C12orf50: variants seen among roughly 807,000 people sequenced by gnomAD.
C12orf50 encodes zinc finger CCCH-type containing 11D.
A neutral mutation model predicts 61.6 loss-of-function variants in C12orf50; 35 were observed. The observed-to-expected ratio is 0.57, with a 90% CI of 0.43 to 0.75. The LOEUF is 0.75. C12orf50 is among the 30% of genes least tolerant of loss of function. The pLI is 0.00. For synonymous variants in C12orf50, 178 were observed against 161.5 expected, an observed-to-expected ratio of 1.10 and a Z score of -0.77; for missense variants, 475 against 488.5, an observed-to-expected ratio of 0.97 and a Z score of 0.26.
intron 9 of C12orf50, among the ~76,000 whole-genome samples, 156 bp downstream of exon 9, chr12:87,987,694 T>C (rs2030895325): frequency 6.8e-6 from 1 of 146,066 alleles, no homozygotes; most frequent in African/African-American, 2.4e-5. Flanking sequence ...TTGTCAGAGT[T>C]AGTTAGTAGA....
At chr12:88,025,664 G>A (rs1592689209) in intron 3 of C12orf50, among the ~76,000 whole-genome samples, 3 of 152,258 alleles carry the variant, frequency 2.0e-5, no homozygotes, top group Middle Eastern at 3.4e-3. Flanking sequence ...GCTTGAACCC[G>A]GGAGGTGGAG....
intron 3 of C12orf50, among the ~76,000 whole-genome samples, chr12:87,999,293 C>T (rs761474254): frequency 9.2e-5 from 14 of 152,054 alleles, no homozygotes; most frequent in Non-Finnish European, 1.3e-4. Flanking sequence ...AGTGTGATGG[C>T]GCACACCTGT....
intron 3 of C12orf50, among the ~76,000 whole-genome samples, chr12:88,005,149 C>A (rs1405522267): frequency 6.6e-6 from 1 of 152,092 alleles, no homozygotes; most frequent in Non-Finnish European, 1.5e-5. Flanking sequence ...TGTTTCTTTG[C>A]ATGTCTTATA....
chr12:88,022,823 G>T (rs2032564987), intron 3 of C12orf50, among the ~76,000 whole-genome samples: 1 of 151,968 alleles, frequency 6.6e-6, no homozygotes, highest in Non-Finnish European at 1.5e-5. Flanking sequence ...TTTACAATGA[G>T]AATTACAAAA....
At chr12:88,004,133 T>C (rs1351541572) in intron 3 of C12orf50, among the ~76,000 whole-genome samples, 1 of 152,194 alleles carries the variant, frequency 6.6e-6, no homozygotes, top group East Asian at 1.9e-4. Context: ...TTTTACCCAT[T>C]GATAGTCTCT....
intron 11 of C12orf50, 193 bp from the exon 12 acceptor site, chr12:87,983,388 TTG>T (rs1268961645): frequency 1.1e-5 from 4 of 367,218 alleles, no homozygotes; most frequent in Non-Finnish European, 2.0e-5. Flanking sequence ...ATGTTTTTTT[TTG>T]TTTTTTTTAT....
chr12:88,002,011 ATTTTT>A (rs1044537236), intron 3 of C12orf50, among the ~76,000 whole-genome samples: 1 of 151,426 alleles, frequency 6.6e-6, no homozygotes, highest in Non-Finnish European at 1.5e-5. Context: ...TCCTGCTTTA[ATTTTT>A]ATTATGTGCT....
chr12:88,019,614 C>T (rs1314176427), intron 3 of C12orf50, among the ~76,000 whole-genome samples: 1 of 150,690 alleles, frequency 6.6e-6, no homozygotes, highest in Non-Finnish European at 1.5e-5. Context: ...GATGAGACTA[C>T]CAAGAAAGTA....
At chr12:87,985,185 C>T (rs2030742973) in intron 11 of C12orf50, 1 of 152,006 alleles carries the variant, frequency 6.6e-6, no homozygotes, top group Non-Finnish European at 1.5e-5. Flanking sequence ...AAAATACAAA[C>T]ATGAAATCAT....
At chr12:87,998,218 T>C (rs1473546453) in intron 3 of C12orf50, 28 bp from the exon 4 acceptor site, 8 of 1,585,098 alleles carry the variant, frequency 5.0e-6, no homozygotes, top group Admixed American at 1.7e-5. Context: ...CATTTCAGTC[T>C]GTTCAAGATA....
At chr12:88,005,561 G>A (rs1357308231) in intron 3 of C12orf50, among the ~76,000 whole-genome samples, 2 of 152,318 alleles carry the variant, frequency 1.3e-5, no homozygotes, top group East Asian at 1.9e-4. Context: ...CTCCTTTGCA[G>A]AGCTAAGCTT....
chr12:87,988,543 T>C (rs1187044596), intron 8 of C12orf50, among the ~76,000 whole-genome samples: 2 of 152,176 alleles, frequency 1.3e-5, no homozygotes, highest in Admixed American at 1.3e-4. Context: ...CATATTAGTA[T>C]AGCTTTAAGA....
chr12:87,981,242 AT>A (rs2030453559), intron 12 of C12orf50, among the ~76,000 whole-genome samples: 1 of 152,006 alleles, frequency 6.6e-6, no homozygotes, highest in South Asian at 2.1e-4. Context: ...CCTGCTACTG[AT>A]CCTAATTTCT....
chr12:88,007,921 T>G (rs957573423), intron 3 of C12orf50, among the ~76,000 whole-genome samples: 2 of 152,046 alleles, frequency 1.3e-5, no homozygotes, highest in African/African-American at 4.8e-5. Context: ...AAGTGGAACT[T>G]TATCATCGTT....
chr12:87,997,904 T>C, intron 4 of C12orf50, 131 bp downstream of exon 4: 4 of 677,998 alleles, frequency 5.9e-6, no homozygotes, highest in Non-Finnish European at 7.0e-6. Context: ...ATTAGTTTAA[T>C]ACAATTATAG....
intron 3 of C12orf50, among the ~76,000 whole-genome samples, chr12:88,022,304 C>G (rs1321559143): frequency 6.6e-6 from 1 of 151,968 alleles, no homozygotes; most frequent in South Asian, 2.1e-4. Flanking sequence ...ATTCAACATC[C>G]CTTCATGCTA....
At chr12:87,985,630 A>G (rs1415650060) in intron 11 of C12orf50, 11 of 579,278 alleles carry the variant, frequency 1.9e-5, no homozygotes, top group Non-Finnish European at 3.1e-5. Context: ...GGGAGGTGCA[A>G]TCTGAAGTCA....
intron 3 of C12orf50, among the ~76,000 whole-genome samples, chr12:88,003,981 T>A (rs1425045439): frequency 6.6e-6 from 1 of 152,116 alleles, no homozygotes; most frequent in Non-Finnish European, 1.5e-5. Flanking sequence ...TTGTATAATC[T>A]CCGTTGATTT....
chr12:87,982,710 A>G (rs898436697), intron 12 of C12orf50, among the ~76,000 whole-genome samples: 1 of 152,008 alleles, frequency 6.6e-6, no homozygotes, highest in Non-Finnish European at 1.5e-5. Flanking sequence ...GTCAGCCTAT[A>G]CCAGCCAATA....
Sources: allele counts gnomAD v4.1 joint callset (sites outside exome capture counted in the v4.1 genomes callset), GRCh38; gene constraint gnomAD v4.1.1; transcripts MANE v1.5; gene names NCBI Gene and HGNC (gene_info 2026-07-23, HGNC 2026-07-21).